CPEB1: variants seen among roughly 807,000 people sequenced by gnomAD.
CPEB1 encodes cytoplasmic polyadenylation element binding protein 1.
CPEB1 carries 7 observed loss-of-function variants against 65.8 expected under a neutral mutation model. That is an observed-to-expected ratio of 0.11 (90% CI 0.06 to 0.20). The LOEUF is 0.20. CPEB1 is among the 10% of genes least tolerant of loss of function. The probability of loss-of-function intolerance (pLI) is 1.00; values close to 1 mark genes in which losing one functional copy is unlikely to be tolerated. For missense variants in CPEB1, 551 were observed against 712.2 expected, an observed-to-expected ratio of 0.77 and a Z score of 2.58; for synonymous variants, 262 against 260.0, an observed-to-expected ratio of 1.01 and a Z score of -0.08.
intron 1 of CPEB1, among the ~76,000 whole-genome samples, chr15:82,645,825 G>A (rs1305220913): frequency 1.3e-5 from 2 of 151,988 alleles, no homozygotes; most frequent in Non-Finnish European, 1.5e-5. Flanking sequence ...CCAAGATCGC[G>A]AGACTGCATT....
chr15:82,614,434 C>G (rs1318644651), intron 3 of CPEB1, among the ~76,000 whole-genome samples: 1 of 152,168 alleles, frequency 6.6e-6, no homozygotes, highest in African/African-American at 2.4e-5. Flanking sequence ...GTCCATCAAA[C>G]TAGTCCAAGA....
intron 3 of CPEB1, among the ~76,000 whole-genome samples, chr15:82,600,245 T>G (rs1451890233): frequency 6.6e-6 from 1 of 152,166 alleles, no homozygotes; most frequent in African/African-American, 2.4e-5. Flanking sequence ...CTGAACATGT[T>G]CAGTATATGG....
At position 82,543,463 on chromosome 15, in the gene CPEB1, A is replaced by C. The variant is rs2416629; in HGVS notation, c.*1129T>G. The C allele has an allele frequency of 1.0e-5, 1 of 96,324 alleles. No homozygotes were observed. The highest frequency in any genetic ancestry group is 1.0e-4 in the Admixed American group (1 of 9,554). The allele number at this position is 96,324 out of a possible 1,614,324, so 6.0% of individuals were successfully genotyped here. On this transcript the variant is annotated 3_prime_UTR_variant, in exon 13 of 13. Coordinates refer to ENST00000684509, the MANE Select transcript of CPEB1 (RefSeq NM_001365242.1). ...TTTGTGGGTTTTTTGTTTCTTTTTAAAAAAAAAAAAAAAAAAAAAAAGGAA... is the reference window on the plus strand; with the variant it reads ...TTTGTGGGTTTTTTGTTTCTTTTTACAAAAAAAAAAAAAAAAAAAAAGGAA...
chr15:82,623,198 T>C (rs2045468296), intron 3 of CPEB1, among the ~76,000 whole-genome samples: 1 of 152,210 alleles, frequency 6.6e-6, no homozygotes, highest in Admixed American at 6.5e-5. Flanking sequence ...TAACCAGAAG[T>C]GTTTCCTAGT....
intron 3 of CPEB1, among the ~76,000 whole-genome samples, chr15:82,612,175 A>T (rs2044221584): frequency 6.6e-6 from 1 of 152,208 alleles, no homozygotes; most frequent in Non-Finnish European, 1.5e-5. Context: ...TCCTAGAAAA[A>T]CACAACTTAG....
At chr15:82,635,667 A>C (rs1253756328) in intron 1 of CPEB1, among the ~76,000 whole-genome samples, 2 of 147,288 alleles carry the variant, frequency 1.4e-5, no homozygotes, top group East Asian at 3.8e-4. Context: ...TATATAAAAC[A>C]TACTCCTTGC....
chr15:82,647,670 C>A (rs1465275391), upstream of CPEB1: 4 of 390,750 alleles, frequency 1.0e-5, no homozygotes, highest in Non-Finnish European at 1.7e-5. Context: ...AGGCTCCCTG[C>A]CCCCCTCGCC....
intron 1 of CPEB1, among the ~76,000 whole-genome samples, chr15:82,643,506 A>G (rs963533902): frequency 1.3e-5 from 2 of 151,886 alleles, no homozygotes; most frequent in African/African-American, 2.4e-5. Context: ...GCGCGTGCCT[A>G]TAGTCCCCAC....
At chr15:82,575,978 G>C (rs1013412630) in intron 3 of CPEB1, among the ~76,000 whole-genome samples, 3 of 152,108 alleles carry the variant, frequency 2.0e-5, no homozygotes, top group African/African-American at 4.8e-5. Context: ...CTACTCCTAG[G>C]AATTCAACTA....
chr15:82,560,043 C>A (rs1440366647), intron 4 of CPEB1, among the ~76,000 whole-genome samples: 1 of 152,128 alleles, frequency 6.6e-6, no homozygotes, highest in African/African-American at 2.4e-5. Flanking sequence ...GAGATTGCGC[C>A]ACTACACTCC....
At chr15:82,596,018 G>C (rs2042639123) in intron 3 of CPEB1, among the ~76,000 whole-genome samples, 1 of 152,178 alleles carries the variant, frequency 6.6e-6, no homozygotes. Context: ...AGTAAAATCT[G>C]TACTGCAGAT....
intron 3 of CPEB1, among the ~76,000 whole-genome samples, chr15:82,577,712 A>G (rs2151083191): frequency 6.6e-6 from 1 of 152,158 alleles, no homozygotes; most frequent in South Asian, 2.1e-4. Flanking sequence ...TTGTAAAGAC[A>G]GGGTCTTGCT....
At chr15:82,645,138 C>T (rs1230510962) in intron 1 of CPEB1, among the ~76,000 whole-genome samples, 4 of 152,162 alleles carry the variant, frequency 2.6e-5, no homozygotes, top group Non-Finnish European at 5.9e-5. Flanking sequence ...ACAAACGGTT[C>T]GGAGGGGGGA....
In CPEB1 at chr15:82,579,866, T is replaced by C. The variant is rs572293606; in HGVS notation, c.272-8334A>G. Among the ~76,000 whole-genome samples, 6 of 120,656 alleles carry C rather than the reference T, an allele frequency of 5.0e-5. 1 individual carries two copies. The South Asian group carries it at 1.7e-3, about 34-fold the overall frequency. The allele number at this position is 120,656 out of a possible 152,430, so 79.2% of individuals were successfully genotyped here. A position where few individuals can be genotyped will look rare whatever the true frequency, so the allele number is the denominator to read the frequency against. ...AGCGGAGCTTGCAGTGAGCCGACAT[T>C]GCGCCACTGCAGTCTGCAGTCCGGC... On this transcript the variant is annotated intron_variant, in intron 3 of 12. Coordinates refer to ENST00000684509, the MANE Select transcript of CPEB1 (RefSeq NM_001365242.1).
intron 2 of CPEB1, chr15:82,628,103 A>G (rs1294195604): frequency 1.1e-5 from 7 of 665,934 alleles, no homozygotes; most frequent in Non-Finnish European, 5.4e-6. Flanking sequence ...GAACCCCAAT[A>G]GAGAGAAGGT....
chr15:82,646,533 T>G (rs1430978067), intron 1 of CPEB1, among the ~76,000 whole-genome samples: 1 of 151,914 alleles, frequency 6.6e-6, no homozygotes, highest in Non-Finnish European at 1.5e-5. Flanking sequence ...CGAATTCGGC[T>G]CCCGACTCTC....
At chr15:82,545,186 G>A (rs2034950604) in intron 12 of CPEB1, among the ~76,000 whole-genome samples, 2 of 152,192 alleles carry the variant, frequency 1.3e-5, no homozygotes, top group Admixed American at 6.5e-5. Context: ...CGTCAGGCAA[G>A]CCACTAATCT....
upstream of CPEB1, chr15:82,647,819 C>G: frequency 7.8e-7 from 1 of 1,283,238 alleles, no homozygotes; most frequent in East Asian, 3.2e-5. Flanking sequence ...GCGGCCGGGA[C>G]GCGGCCCCGC....
chr15:82,639,617 G>T (rs2046940287), intron 1 of CPEB1, among the ~76,000 whole-genome samples: 2 of 151,966 alleles, frequency 1.3e-5, no homozygotes, highest in African/African-American at 4.8e-5. Context: ...CCTGCTCAAG[G>T]GTGTACAGAA....
Sources: gnomAD v4.1 joint callset for allele counts (sites outside exome capture counted in the v4.1 genomes callset) on GRCh38, gnomAD v4.1.1 for gene constraint, MANE v1.5 for transcripts, NCBI Gene and HGNC (gene_info 2026-07-23, HGNC 2026-07-21) for gene names.